SLC45A3: variants seen among roughly 807,000 people sequenced by gnomAD.
The protein encoded by SLC45A3 is solute carrier family 45 member 3.
In SLC45A3, 17 loss-of-function variants were observed where a neutral mutation model predicts 35.3. That is an observed-to-expected ratio of 0.48 (90% CI 0.33 to 0.72). SLC45A3 has a LOEUF of 0.72. SLC45A3 is among the 30% of genes least tolerant of loss of function. The pLI, the probability that SLC45A3 is intolerant of heterozygous loss-of-function variation, is 0.02. For synonymous variants in SLC45A3, 288 were observed against 334.3 expected (o/e 0.86, Z 1.51); for missense variants, 597 against 731.7 (o/e 0.82, Z 2.12).
At chr1:205,676,119 G>A (rs777741484) in intron 1 of SLC45A3, among the ~76,000 whole-genome samples, 1 of 152,122 alleles carries the variant, frequency 6.6e-6, no homozygotes, top group Non-Finnish European at 1.5e-5. Context: ...TGGGTGCTCC[G>A]CTCACTAAGG....
intron 1 of SLC45A3, among the ~76,000 whole-genome samples, chr1:205,670,927 C>T (rs561160042): frequency 5.3e-5 from 8 of 152,338 alleles, no homozygotes; most frequent in South Asian, 4.2e-4. Flanking sequence ...GGCTCCCTCC[C>T]CCCACTCACC....
rs761736332 is a variant in SLC45A3 at position 205,662,160 on chromosome 1, G to T, written c.959-34C>A. The T allele has an allele frequency of 1.3e-6, 2 of 1,595,186 alleles. No individual in the cohort carries two copies. Among genetic ancestry groups the T allele is most frequent in the Non-Finnish European group, 1.7e-6 (2 of 1,169,526 alleles). On this transcript the variant is annotated intron_variant, in intron 3 of 4. Transcript: ENST00000367145. This position sits in a 1 kb window ranked among gnomAD's most constrained non-coding sequence, Gnocchi z 6.2. The stretch of plus-strand genomic sequence containing the variant: ...GGAGAGGGGCCATCAGACAGAGCCT[G>T]GGAGGGAAGGGTCGGAGCAGTCTCA...
In SLC45A3 at chr1:205,663,154, C is replaced by G; in HGVS notation, c.637G>C (p.Ala213Pro). 1 of 1,612,498 alleles carries G rather than the reference C, an allele frequency of 6.2e-7. No individual in the cohort carries two copies. Residue 213 changes from alanine (A) to proline (P), a missense_variant, in exon 3 of 5, where the codon GCC (alanine) becomes CCC (proline). Transcript: ENST00000367145. ...GCCTCCTCAGCCACCAGCAGTGTGG[C>G]TGCTACGCAGGTGAGGAAGATGAGG... ...LTLIFLTCVAATLLVAEEAAL... is the reference protein window; with the variant it reads ...LTLIFLTCVAPTLLVAEEAAL...
chr1:205,671,613 C>T (rs1434379360), intron 1 of SLC45A3, among the ~76,000 whole-genome samples: 1 of 152,234 alleles, frequency 6.6e-6, no homozygotes, highest in Non-Finnish European at 1.5e-5. Flanking sequence ...AATCCCAGCA[C>T]TTTGGGAGGC....
rs758416303 is a variant in SLC45A3 at position 205,662,178 on chromosome 1, C to A, written c.959-52G>T. 6.4e-7 allele frequency: 1 copy of A among 1,569,398 alleles called. No individual in the cohort carries two copies. Reference sequence around the variant, plus strand: ...AGAGCCTGGGAGGGAAGGGTCGGAGCAGTCTCAGGGAGATGAGAAGGCGGA... The same window carrying A: ...AGAGCCTGGGAGGGAAGGGTCGGAGAAGTCTCAGGGAGATGAGAAGGCGGA... On this transcript the variant is annotated intron_variant, in intron 3 of 4. Transcript: ENST00000367145. This position sits in a 1 kb window ranked among gnomAD's most constrained non-coding sequence, Gnocchi z 6.2.
At position 205,669,701 on chromosome 1, in the gene SLC45A3, G is replaced by T. The variant is rs973338030; in HGVS notation, c.-230-4815C>A. 7.9e-5 allele frequency among the ~76,000 whole-genome samples: 12 copies of T among 152,132 alleles called. No individual in the cohort carries two copies. Among genetic ancestry groups the T allele is most frequent in the African/African-American group, 2.7e-4 (11 of 41,428 alleles). ...GTGTTCCCTGCACACTCACAAAGAC[G>T]CTCTGCTTTCTCCCAGGCTCCTCAG... On this transcript the variant is annotated intron_variant, in intron 1 of 4. Transcript: ENST00000367145. This position sits in a 1 kb window ranked among gnomAD's most constrained non-coding sequence, Gnocchi z 4.1.
In SLC45A3 at chr1:205,659,568, T is replaced by C. The variant is rs749083178; in HGVS notation, c.1328A>G (p.Asn443Ser). ...PGPKPGAPFP[N>S]GHVGAGGSGL... ...ACTGCCTCCAGCACCCACGTGTCCA[T>C]TAGGGAAGGGAGCTCCAGGCTTAGG... Residue 443 changes from asparagine (N) to serine (S), a missense_variant, in exon 5 of 5, where the codon AAT (asparagine) becomes AGT (serine). Asn to Ser is a conservative substitution (Grantham distance 46). Coordinates refer to ENST00000367145, the MANE Select transcript of SLC45A3 (RefSeq NM_033102.3). The surrounding 1 kb of genome is among the most constrained non-coding windows in gnomAD (Gnocchi z 5.8). 1.3e-6 allele frequency: 2 copies of C among 1,598,138 alleles called. No homozygotes were observed. Among genetic ancestry groups the C allele is most frequent in the Non-Finnish European group, 1.7e-6 (2 of 1,171,932 alleles).
In SLC45A3 at chr1:205,657,917, A is replaced by G. The variant is rs1437137384; in HGVS notation, c.*1317T>C. ...TATACTCTGATTGCTCACTTACAGT[A>G]TAAAATATTCACCCCGCTAAATAAA... On this transcript the variant is annotated 3_prime_UTR_variant, in exon 5 of 5. Coordinates refer to ENST00000367145, the MANE Select transcript of SLC45A3 (RefSeq NM_033102.3). The G allele has an allele frequency of 4.7e-6, 1 of 213,522 alleles. No individual in the cohort carries two copies. Among genetic ancestry groups the G allele is most frequent in the Non-Finnish European group, 9.5e-6 (1 of 105,376 alleles). 13.2% of individuals were successfully genotyped at this position (213,522 alleles called of 1,614,324 possible). A position where few individuals can be genotyped will look rare whatever the true frequency, so the allele number is the denominator to read the frequency against.
In SLC45A3 at chr1:205,672,747, G is replaced by A. The variant is rs565423382; in HGVS notation, c.-231+7647C>T. ...TTTTAAGAGCTGTGTAGCCTAGACAGGCCATCTCACCTCTCTGGGACTCAG... is the reference window on the plus strand; with the variant it reads ...TTTTAAGAGCTGTGTAGCCTAGACAAGCCATCTCACCTCTCTGGGACTCAG... On this transcript the variant is annotated intron_variant, in intron 1 of 4. Coordinates refer to ENST00000367145, the MANE Select transcript of SLC45A3 (RefSeq NM_033102.3). 7.8e-4 allele frequency among the ~76,000 whole-genome samples: 118 copies of A among 152,218 alleles called. 1 individual carries two copies. The highest frequency in any genetic ancestry group is 2.6e-3 in the African/African-American group (110 of 41,532).
chr1:205,663,504 A>T lies in SLC45A3; in HGVS notation c.287T>A (p.Ile96Asn). The change falls in exon 3 of 5, where the codon ATC becomes AAC. Residue 96 changes from isoleucine to asparagine, a missense_variant. Ile to Asn is a moderately radical substitution (Grantham distance 149). This residue lies in a region of SLC45A3 where 555 missense variants were observed against 664.9 expected (regional missense o/e 0.83). Coordinates refer to ENST00000367145, the MANE Select transcript of SLC45A3 (RefSeq NM_033102.3). ...RPFIWALSLG[I>N]LLSLFLIPRA... ...TGGGATGAGAAAGAGGCTCAGCAGG[A>T]TGCCCAAGGACAGTGCCCAGATGAA... 1 of 1,613,146 alleles carries T rather than the reference A, an allele frequency of 6.2e-7. No individual in the cohort carries two copies. Among genetic ancestry groups the T allele is most frequent in the South Asian group, 1.1e-5 (1 of 91,088 alleles).
chr1:205,660,903 T>A (rs1043891336), intron 4 of SLC45A3, among the ~76,000 whole-genome samples: 9 of 151,898 alleles, frequency 5.9e-5, no homozygotes, highest in Admixed American at 3.3e-4. Context: ...CCTCCATACC[T>A]CTCACCCCTG....
rs542858414 is a variant in SLC45A3, at chr1:205,658,646, G to C, written c.*588C>G. ...GCCACATCCTGATAAAAGGTAAGAG[G>C]GGGGTGGATCAGCAAAAAGACAGTG... On this transcript the variant is annotated 3_prime_UTR_variant, in exon 5 of 5. Transcript: ENST00000367145. The C allele has an allele frequency of 5.6e-4, 130 of 233,798 alleles. No individual in the cohort carries two copies. The highest frequency in any genetic ancestry group is 2.7e-3 in the African/African-American group (122 of 45,456). The allele number at this position is 233,798 out of a possible 1,614,324, so 14.5% of individuals were successfully genotyped here.
At chr1:205,672,216 C>T (rs58323676) in intron 1 of SLC45A3, among the ~76,000 whole-genome samples, 11 of 152,106 alleles carry the variant, frequency 7.2e-5, no homozygotes, top group African/African-American at 2.4e-4. Context: ...ATTCCCCCCC[C>T]TCACCCACGT....
rs1159164160 is a variant in SLC45A3, at chr1:205,658,187, ATT to A, written c.*1045_*1046del. ...TAGGGGAAAGTTGGGGGTAGGGGAA[ATT>A]TTGGGCAGTGCCTTCATCAGCCCAG... On this transcript the variant is annotated 3_prime_UTR_variant, in exon 5 of 5. Transcript: ENST00000367145. 1 of 231,306 alleles carries A rather than the reference ATT, an allele frequency of 4.3e-6. No individual in the cohort carries two copies. Among genetic ancestry groups the A allele is most frequent in the Non-Finnish European group, 8.6e-6 (1 of 116,932 alleles). 14.3% of individuals were successfully genotyped at this position (231,306 alleles called of 1,614,324 possible). A position where few individuals can be genotyped will look rare whatever the true frequency, so the allele number is the denominator to read the frequency against.
intron 2 of SLC45A3, among the ~76,000 whole-genome samples, 199 bp from the exon 3 acceptor site, chr1:205,663,817 T>C (rs1671072062): frequency 6.6e-6 from 1 of 152,160 alleles, no homozygotes; most frequent in Admixed American, 6.5e-5. Flanking sequence ...AACTGAGGCA[T>C]GGAGCAACTA....
At position 205,664,896 on chromosome 1, in the gene SLC45A3, C is replaced by T. The variant is rs938353253; in HGVS notation, c.-230-10G>A. The T allele has an allele frequency of 2.5e-5, 34 of 1,356,792 alleles. No homozygotes were observed. Among genetic ancestry groups the T allele is most frequent in the African/African-American group, 2.5e-4 (17 of 68,262 alleles). The allele number at this position is 1,356,792 out of a possible 1,614,324, so 84.0% of individuals were successfully genotyped here. ...TCTCATCACTCAGATCCTAGAAGGGCGGGGCAATCACAAGCACACGGGGTG... is the reference window on the plus strand; with the variant it reads ...TCTCATCACTCAGATCCTAGAAGGGTGGGGCAATCACAAGCACACGGGGTG... On this transcript the variant is annotated splice_polypyrimidine_tract_variant and intron_variant, in intron 1 of 4. Transcript: ENST00000367145. The surrounding 1 kb of genome is among the most constrained non-coding windows in gnomAD (Gnocchi z 5.3).
chr1:205,662,618 G>C lies in SLC45A3; in HGVS notation c.958+215C>G, dbSNP rs1315623796. On this transcript the variant is annotated intron_variant, in intron 3 of 4. Coordinates refer to ENST00000367145, the MANE Select transcript of SLC45A3 (RefSeq NM_033102.3). The surrounding 1 kb of genome is among the most constrained non-coding windows in gnomAD (Gnocchi z 6.2). ...TCTGTCAAACTGGGGCAACGACTCT[G>C]ATCAGACTCCTAGAGCAGCCAGAGG... is the stretch of plus-strand genomic sequence containing the variant. The C allele has an allele frequency of 2.2e-6, 3 of 1,361,548 alleles. No individual in the cohort carries two copies. Among genetic ancestry groups the C allele is most frequent in the Non-Finnish European group, 2.8e-6 (3 of 1,062,502 alleles). The allele number at this position is 1,361,548 out of a possible 1,614,324, so 84.3% of individuals were successfully genotyped here.
chr1:205,662,680 A>G lies in SLC45A3; in HGVS notation c.958+153T>C, dbSNP rs1558034009. On this transcript the variant is annotated intron_variant, in intron 3 of 4. Transcript: ENST00000367145. This position sits in a 1 kb window ranked among gnomAD's most constrained non-coding sequence, Gnocchi z 6.2. Reference sequence around the variant, plus strand: ...CCGCAAGCAGAGATGTTCCACACCCATGAGAAGCCGTGTATGCAGATGGGG... The same window carrying G: ...CCGCAAGCAGAGATGTTCCACACCCGTGAGAAGCCGTGTATGCAGATGGGG... The G allele has an allele frequency of 2.8e-6, 4 of 1,421,232 alleles. No individual in the cohort carries two copies. The highest frequency in any genetic ancestry group is 3.7e-6 in the Non-Finnish European group (4 of 1,093,098). 88.0% of individuals were successfully genotyped at this position (1,421,232 alleles called of 1,614,324 possible). A position where few individuals can be genotyped will look rare whatever the true frequency, so the allele number is the denominator to read the frequency against.
In SLC45A3 at chr1:205,666,438, G is replaced by A. The variant is rs1366909971; in HGVS notation, c.-230-1552C>T. ...TGGGAGGATTGCTTGAGCCTGGGAG[G>A]TCAAGGGTGCAGCGCGCAGTGATTG... On this transcript the variant is annotated intron_variant, in intron 1 of 4. Transcript: ENST00000367145. This position sits in a 1 kb window ranked among gnomAD's most constrained non-coding sequence, Gnocchi z 4.1. Among the ~76,000 whole-genome samples the A allele has an allele frequency of 6.6e-6, 1 of 152,216 alleles. No homozygotes were observed. Among genetic ancestry groups the A allele is most frequent in the Non-Finnish European group, 1.5e-5 (1 of 68,036 alleles).
Sources: allele counts gnomAD v4.1 joint callset (sites outside exome capture counted in the v4.1 genomes callset), GRCh38; gene constraint gnomAD v4.1.1; regional missense constraint gnomAD v4.1.1; non-coding constraint Gnocchi (gnomAD v3.1); transcripts MANE v1.5; gene names NCBI Gene and HGNC (gene_info 2026-07-23, HGNC 2026-07-21).